The following ZFYVE28 variants were observed in gnomAD, a reference collection of about 807,000 sequenced individuals.
ZFYVE28 encodes lateral signaling target protein 2 homolog.
Under a neutral mutation model 82.1 loss-of-function variants are expected in ZFYVE28, and 40 were observed. That is an observed-to-expected ratio of 0.49 (90% CI 0.38 to 0.63). The LOEUF is 0.63. Ranked by LOEUF, ZFYVE28 falls within the 30% of genes least tolerant of loss-of-function variation. The probability of loss-of-function intolerance (pLI) is 0.00; values close to 1 mark genes in which losing one functional copy is unlikely to be tolerated. For missense variants in ZFYVE28, 1,321 were observed against 1,242.1 expected, an observed-to-expected ratio of 1.06 and a Z score of -0.96; for synonymous variants, 612 against 546.1, an observed-to-expected ratio of 1.12 and a Z score of -1.68.
intron 1 of ZFYVE28, among the ~76,000 whole-genome samples, chr4:2,414,505 T>C (rs1732836659): frequency 6.6e-6 from 1 of 152,134 alleles, no homozygotes; most frequent in African/African-American, 2.4e-5. Flanking sequence ...GAAAGGTTAA[T>C]AGCCCCCACT....
intron 6 of ZFYVE28, chr4:2,329,088 G>C: frequency 1.4e-6 from 1 of 694,678 alleles, no homozygotes; most frequent in Non-Finnish European, 2.6e-6. Context: ...ATATTGTTTT[G>C]GCTATTTAGG....
chr4:2,365,922 G>T (rs1188445778), intron 1 of ZFYVE28, among the ~76,000 whole-genome samples: 2 of 152,232 alleles, frequency 1.3e-5, no homozygotes, highest in African/African-American at 2.4e-5. Context: ...CTACAGGAGG[G>T]GTGGAGGTGG....
In ZFYVE28 at chr4:2,317,495, G is replaced by A. The variant is rs12054558; in HGVS notation, c.803+2675C>T. On this transcript the variant is annotated intron_variant, in intron 7 of 12. Transcript: ENST00000290974. ...TGGTTACTGCAGTTCTGAGCCTGCT[G>A]CACTCTCTGCCTTCTCAAACCCCAA... Among the ~76,000 whole-genome samples the A allele has an allele frequency of 2.7e-3, 406 of 152,278 alleles. 19 individuals carry two copies. The East Asian group carries it at 0.062, about 23-fold the overall frequency.
rs753514456 is a variant in ZFYVE28, at chr4:2,339,667, G to T, written c.319-12C>A. 1.0e-5 allele frequency: 16 copies of T among 1,583,986 alleles called. No homozygotes were observed. The highest frequency in any genetic ancestry group is 1.4e-5 in the Non-Finnish European group (16 of 1,166,498). Reference sequence around the variant, plus strand: ...CCGGCGGCCAGGCACTGCGGGAGGGGACACACTCAGGGAGGGGCCCGGGTG... The same window carrying T: ...CCGGCGGCCAGGCACTGCGGGAGGGTACACACTCAGGGAGGGGCCCGGGTG... On this transcript the variant is annotated splice_polypyrimidine_tract_variant and intron_variant, in intron 3 of 12. Coordinates refer to ENST00000290974, the MANE Select transcript of ZFYVE28 (RefSeq NM_020972.3). The surrounding 1 kb of genome is among the most constrained non-coding windows in gnomAD (Gnocchi z 5.0).
At position 2,271,484 on chromosome 4, in the gene ZFYVE28, T is replaced by G. The variant is rs923589864; in HGVS notation, c.2429-70A>C. 13 of 1,521,698 alleles carry G rather than the reference T, an allele frequency of 8.5e-6. No individual in the cohort carries two copies. In the African/African-American group the frequency reaches 1.6e-4, roughly 19 times the overall value. The allele number at this position is 1,521,698 out of a possible 1,614,324, so 94.3% of individuals were successfully genotyped here. ...GTGGGCTGGGCCGGGACCCTCAACC[T>G]ACCCTGGGCCCTCCTTTCCAGACTG... On this transcript the variant is annotated intron_variant, in intron 11 of 12. Transcript: ENST00000290974.
Position 2,358,478 on chromosome 4 carries a change from G to C in ZFYVE28, c.40-4405C>G, listed in dbSNP as rs139461329. 5.6e-3 allele frequency among the ~76,000 whole-genome samples: 846 copies of C among 152,322 alleles called. 8 individuals carry two copies. The highest frequency in any genetic ancestry group is 7.0e-3 in the South Asian group (34 of 4,828). On this transcript the variant is annotated intron_variant, in intron 1 of 12. Transcript: ENST00000290974. ...TTGACCCCTCCTGGCCCTGCCTCCA[G>C]TTAGCGGGGATGCTTGGTGCCCTGC...
chr4:2,271,764 C>T lies in ZFYVE28; in HGVS notation c.2339G>A (p.Arg780Gln), dbSNP rs779242342. ...EKLRKVTQTL[R>Q]SAALEDCALC... ...TGCACAGTCCTCCAAGGCCGCACTC[C>T]GCAGAGTCTGGGTGACTAGTGGAGA... The change falls in exon 11 of 13, where the codon CGG becomes CAG. Residue 780 changes from arginine to glutamine, a missense_variant. Physicochemically the swap from Arg to Gln is conservative, Grantham distance 43 (BLOSUM62 1). Around this residue, in one of 2 missense-constraint regions of ZFYVE28, gnomAD observed 978 missense variants for 833.7 expected, o/e 1.17. Transcript: ENST00000290974. 24 of 1,613,548 alleles carry T rather than the reference C, an allele frequency of 1.5e-5. No homozygotes were observed. The highest frequency in any genetic ancestry group is 6.7e-5 in the East Asian group (3 of 44,904).
At chr4:2,327,577 AT>A (rs1036055223) in intron 6 of ZFYVE28, among the ~76,000 whole-genome samples, 2 of 151,468 alleles carry the variant, frequency 1.3e-5, no homozygotes, top group Non-Finnish European at 2.9e-5. Context: ...TCTGTTTTAC[AT>A]TTTCACTCAG....
In ZFYVE28 at chr4:2,337,461, C is replaced by T; in HGVS notation, c.557G>A (p.Arg186Lys). The change falls in exon 5 of 13, where the codon AGG (arginine) becomes AAG (lysine). Residue 186 changes from arginine (R) to lysine (K), a missense_variant. By Grantham distance (26) the Arg-to-Lys change is conservative. This residue lies in a region of ZFYVE28 where 343 missense variants were observed against 408.4 expected (regional missense o/e 0.84). Transcript: ENST00000290974. ...VSAMVPVKSP[R>K]EYYVQQEVIV... is the part of the protein sequence containing the mutation. ...GACCTCCTGCTGCACGTAGTACTCC[C>T]TGGGGGACTTCACAGGCACCATGGC... The T allele has an allele frequency of 6.2e-7, 1 of 1,610,410 alleles. No homozygotes were observed. Among genetic ancestry groups the T allele is most frequent in the Non-Finnish European group, 8.5e-7 (1 of 1,178,174 alleles).
chr4:2,403,971 GAAAAA>G (rs35312512), intron 1 of ZFYVE28, among the ~76,000 whole-genome samples: 16 of 129,014 alleles, frequency 1.2e-4, no homozygotes, highest in African/African-American at 2.3e-4. Context: ...CTCCATTTCG[GAAAAA>G]AAAAAAAAAA....
At chr4:2,412,604 C>T (rs916578168) in intron 1 of ZFYVE28, among the ~76,000 whole-genome samples, 13 of 152,156 alleles carry the variant, frequency 8.5e-5, no homozygotes, top group Non-Finnish European at 1.5e-5. Context: ...AACCCACAGC[C>T]TTCTCAGCAT....
intron 8 of ZFYVE28, among the ~76,000 whole-genome samples, chr4:2,275,633 G>A (rs1338633884): frequency 2.0e-5 from 3 of 152,170 alleles, no homozygotes; most frequent in South Asian, 2.1e-4. Context: ...GGGGATCCTC[G>A]TCGACCTGTG....
intron 8 of ZFYVE28, among the ~76,000 whole-genome samples, chr4:2,278,231 T>C (rs1470603987): frequency 6.6e-6 from 1 of 151,498 alleles, no homozygotes; most frequent in Non-Finnish European, 1.5e-5. Flanking sequence ...TTTTTTTTTT[T>C]TTTTTTTGAG....
intron 6 of ZFYVE28, chr4:2,330,922 A>G: frequency 6.5e-7 from 1 of 1,534,600 alleles, no homozygotes; most frequent in East Asian, 2.4e-5. Context: ...TGAGCAGGGC[A>G]GAGATGACAC....
At chr4:2,382,527 G>A (rs1553861055) in intron 1 of ZFYVE28, among the ~76,000 whole-genome samples, 1 of 152,162 alleles carries the variant, frequency 6.6e-6, no homozygotes, top group Non-Finnish European at 1.5e-5. Flanking sequence ...GCTGGATTTC[G>A]GACTTGCATG....
rs1430379788 is a variant in ZFYVE28 at position 2,320,051 on chromosome 4, C to A, written c.803+119G>T. The A allele has an allele frequency of 4.3e-6, 4 of 937,080 alleles. No individual in the cohort carries two copies. Among genetic ancestry groups the A allele is most frequent in the South Asian group, 3.1e-5 (2 of 63,940 alleles). The allele number at this position is 937,080 out of a possible 1,614,324, so 58.0% of individuals were successfully genotyped here. A position where few individuals can be genotyped will look rare whatever the true frequency, so the allele number is the denominator to read the frequency against. ...CCCTCCCTAGGGAATATTAACCAGC[C>A]CATCCTTCCTCACAGAGAGGAGGAG... On this transcript the variant is annotated intron_variant, in intron 7 of 12. Coordinates refer to ENST00000290974, the MANE Select transcript of ZFYVE28 (RefSeq NM_020972.3). This position sits in a 1 kb window ranked among gnomAD's most constrained non-coding sequence, Gnocchi z 5.1.
intron 1 of ZFYVE28, among the ~76,000 whole-genome samples, chr4:2,385,344 G>A (rs1729142865): frequency 6.6e-6 from 1 of 151,820 alleles, no homozygotes; most frequent in Non-Finnish European, 1.5e-5. Flanking sequence ...CGCTGAGAGA[G>A]CACCTGCTGC....
chr4:2,284,805 G>A (rs923063672), intron 8 of ZFYVE28, among the ~76,000 whole-genome samples: 1 of 152,188 alleles, frequency 6.6e-6, no homozygotes, highest in Non-Finnish European at 1.5e-5. Flanking sequence ...GTCTGCCAAA[G>A]TCGTACCAGC....
chr4:2,357,744 G>A (rs1244096096), intron 1 of ZFYVE28, among the ~76,000 whole-genome samples: 1 of 152,188 alleles, frequency 6.6e-6, no homozygotes, highest in South Asian at 2.1e-4. Flanking sequence ...GCCAGGTACT[G>A]AATTTAGGGC....
Sources: allele counts gnomAD v4.1 joint callset (sites outside exome capture counted in the v4.1 genomes callset), GRCh38; gene constraint gnomAD v4.1.1; regional missense constraint gnomAD v4.1.1; non-coding constraint Gnocchi (gnomAD v3.1); transcripts MANE v1.5; gene names NCBI Gene and HGNC (gene_info 2026-07-23, HGNC 2026-07-21).